MX2: variants seen among roughly 807,000 people sequenced by gnomAD.
MX2 encodes the protein MX dynamin like GTPase 2.
In MX2, 51 loss-of-function variants were observed where a neutral mutation model predicts 74.0. The observed-to-expected ratio is 0.69, with a 90% CI of 0.55 to 0.87. The LOEUF (loss-of-function observed/expected upper bound fraction) is 0.87. Ranked by LOEUF, MX2 falls within the 40% of genes least tolerant of loss-of-function variation. The pLI, the probability that MX2 is intolerant of heterozygous loss-of-function variation, is 0.00. For missense variants in MX2, 832 were observed against 908.7 expected (o/e 0.92, Z 1.09); for synonymous variants, 369 against 339.3 (o/e 1.09, Z -0.96).
chr21:41,386,232 A>G (rs946157691), intron 5 of MX2, among the ~76,000 whole-genome samples: 1 of 149,898 alleles, frequency 6.7e-6, no homozygotes, highest in Non-Finnish European at 1.5e-5. Context: ...AAAAAAAAAA[A>G]AAAAAAAAAA....
intron 5 of MX2, chr21:41,389,988 C>A (rs1293000867): frequency 1.3e-5 from 2 of 152,590 alleles, no homozygotes; most frequent in African/African-American, 4.8e-5. Flanking sequence ...GAACTAGACC[C>A]CTTCCAAGAA....
Position 41,382,582 on chromosome 21 carries a change from T to C in MX2, c.732+18T>C. ...GACTGCAGGTGAGCCCTTCTGGAAT[T>C]TGGGATTGGGCTCTGCTGAAGTGGG... On this transcript the variant is annotated intron_variant, in intron 5 of 13. Transcript: ENST00000330714. The C allele has an allele frequency of 1.9e-6, 3 of 1,613,708 alleles. No individual in the cohort carries two copies. Among genetic ancestry groups the C allele is most frequent in the Non-Finnish European group, 2.5e-6 (3 of 1,179,904 alleles).
intron 1 of MX2, among the ~76,000 whole-genome samples, chr21:41,371,164 A>T (rs558256888): frequency 2.6e-5 from 4 of 152,252 alleles, no homozygotes; most frequent in African/African-American, 4.8e-5. Flanking sequence ...TGGGAGTCAC[A>T]AGAAGTTCAA....
chr21:41,373,541 G>A (rs1568932490), intron 1 of MX2, among the ~76,000 whole-genome samples: 1 of 152,096 alleles, frequency 6.6e-6, no homozygotes, highest in Non-Finnish European at 1.5e-5. Flanking sequence ...CCCTCCAGCT[G>A]CTCTGTCCAC....
chr21:41,379,852 T>G (rs561110899), intron 3 of MX2, among the ~76,000 whole-genome samples, 165 bp from the exon 4 acceptor site: 1 of 152,256 alleles, frequency 6.6e-6, no homozygotes, highest in African/African-American at 2.4e-5. Flanking sequence ...CTGTGCCCCT[T>G]TGCATCTGCT....
intron 10 of MX2, 118 bp from the exon 11 acceptor site, chr21:41,401,852 C>T: frequency 9.0e-7 from 1 of 1,108,202 alleles, no homozygotes; most frequent in African/African-American, 1.6e-5. Flanking sequence ...AACAAAACTC[C>T]ACTTTGCAAC....
Position 41,402,299 on chromosome 21 carries a change from C to G in MX2, c.1573+171C>G. 1.3e-6 allele frequency: 1 copy of G among 742,630 alleles called. No individual in the cohort carries two copies. The highest frequency in any genetic ancestry group is 2.1e-6 in the Non-Finnish European group (1 of 487,764). The allele number at this position is 742,630 out of a possible 1,614,324, so 46.0% of individuals were successfully genotyped here. A position where few individuals can be genotyped will look rare whatever the true frequency, so the allele number is the denominator to read the frequency against. ...CTGTGAGCCAGCAGCACTGGCAAGG[C>G]CTGAGAGCTGGTCAGAGCTACCGAT... On this transcript the variant is annotated intron_variant, in intron 11 of 13. Transcript: ENST00000330714. The surrounding 1 kb of genome is among the most constrained non-coding windows in gnomAD (Gnocchi z 4.5).
At chr21:41,386,527 T>A (rs1381444126) in intron 5 of MX2, among the ~76,000 whole-genome samples, 1 of 152,108 alleles carries the variant, frequency 6.6e-6, no homozygotes, top group African/African-American at 2.4e-5. Context: ...AGTCTGGGAA[T>A]CCATCCCGAA....
Position 41,377,999 on chromosome 21 carries a change from C to T in MX2, c.442+18C>T. The T allele has an allele frequency of 2.5e-6, 4 of 1,606,566 alleles. No homozygotes were observed. The highest frequency in any genetic ancestry group is 3.4e-6 in the Non-Finnish European group (4 of 1,174,202). On this transcript the variant is annotated intron_variant, in intron 3 of 13. Transcript: ENST00000330714. ...AGGCAGCGGTAAGTTCAACGGACCA[C>T]CTTCCCTCCGCAGCAAGCAGCGCCA... is the stretch of plus-strand genomic sequence containing the variant.
At chr21:41,379,580 C>T (rs1336686742) in intron 3 of MX2, among the ~76,000 whole-genome samples, 4 of 152,100 alleles carry the variant, frequency 2.6e-5, no homozygotes, top group Non-Finnish European at 4.4e-5. Flanking sequence ...CCCCACCCCC[C>T]ACACTAACCA....
rs768433784 is a variant in MX2, at chr21:41,398,907, C to T, written c.1160C>T (p.Pro387Leu). The T allele has an allele frequency of 1.2e-4, 197 of 1,612,874 alleles. No individual in the cohort carries two copies. The highest frequency in any genetic ancestry group is 1.5e-4 in the Non-Finnish European group (175 of 1,179,290). The change falls in exon 9 of 14, where the codon CCG (proline) becomes CTG (leucine). Residue 387 changes from proline to leucine, a missense_variant. Transcript: ENST00000330714. Reference protein sequence around the residue: ...ELIMHIQKSLPLLEGQIRESH... With the variant: ...ELIMHIQKSLLLLEGQIRESH... ...AATTGTTTTGTTTAGAAATCGCTCCCGTTGTTAGAAGGACAAATAAGGGAG... is the reference window on the plus strand; with the variant it reads ...AATTGTTTTGTTTAGAAATCGCTCCTGTTGTTAGAAGGACAAATAAGGGAG...
chr21:41,390,468 GT>G, intron 5 of MX2, 96 bp from the exon 6 acceptor site: 4 of 1,530,194 alleles, frequency 2.6e-6, no homozygotes, highest in Non-Finnish European at 3.6e-6. Flanking sequence ...GTGGGACAAT[GT>G]TGCCTTTGCG....
chr21:41,397,410 A>T (rs1191287328), intron 7 of MX2, among the ~76,000 whole-genome samples: 1 of 152,138 alleles, frequency 6.6e-6, no homozygotes, highest in Non-Finnish European at 1.5e-5. Flanking sequence ...GGGATGATAG[A>T]AAGGGAGGAG....
At chr21:41,398,757 C>T in intron 8 of MX2, 140 bp from the exon 9 acceptor site, 2 of 1,192,878 alleles carry the variant, frequency 1.7e-6, no homozygotes, top group Non-Finnish European at 2.3e-6. Context: ...GTAATCCCAG[C>T]ACTTTGGGAG....
At position 41,366,529 on chromosome 21, in the gene MX2, T is replaced by C. The variant is rs183712972; in HGVS notation, c.-72+4474T>C. 1 of 152,254 alleles carries C rather than the reference T, an allele frequency of 6.6e-6. No individual in the cohort carries two copies. Among genetic ancestry groups the C allele is most frequent in the Non-Finnish European group, 1.5e-5 (1 of 68,042 alleles). The allele number at this position is 152,254 out of a possible 1,614,324, so 9.4% of individuals were successfully genotyped here. A position where few individuals can be genotyped will look rare whatever the true frequency, so the allele number is the denominator to read the frequency against. ...CCTCATCTCTACTAAAAATACAAGATTAGCTGGGCGTGGTGGTGCATGCTT... is the reference window on the plus strand; with the variant it reads ...CCTCATCTCTACTAAAAATACAAGACTAGCTGGGCGTGGTGGTGCATGCTT... On this transcript the variant is annotated intron_variant, in intron 1 of 13. Transcript: ENST00000330714. This position sits in a 1 kb window ranked among gnomAD's most constrained non-coding sequence, Gnocchi z 4.5.
At position 41,390,574 on chromosome 21, in the gene MX2, C is replaced by G. The variant is rs756158339; in HGVS notation, c.742C>G (p.Leu248Val). The change falls in exon 6 of 14, where the codon CTC becomes GTC. Residue 248 changes from leucine to valine, a missense_variant. Transcript: ENST00000330714. Reference sequence around the variant, plus strand: ...GATTCTTTGGCATCAGATCAAGGCTCTCATCAAGAAGTACATCCAGAGGCA... The same window carrying G: ...GATTCTTTGGCATCAGATCAAGGCTGTCATCAAGAAGTACATCCAGAGGCA... ...PRDIGLQIKALIKKYIQRQQT... is the reference protein window; with the variant it reads ...PRDIGLQIKAVIKKYIQRQQT... The G allele has an allele frequency of 1.9e-5, 30 of 1,614,012 alleles. No homozygotes were observed. The Admixed American group carries it at 3.5e-4, about 19-fold the overall frequency.
chr21:41,384,056 A>C (rs939575951), intron 5 of MX2, among the ~76,000 whole-genome samples: 1 of 152,114 alleles, frequency 6.6e-6, no homozygotes, highest in Non-Finnish European at 1.5e-5. Flanking sequence ...GGGAGTTCTC[A>C]TGAGAGCTGG....
rs1175234806 is a variant in MX2, at chr21:41,368,577, C to G, written c.-72+6522C>G. The stretch of plus-strand genomic sequence containing the variant: ...ATTTTGCAGAGCAATCTGTGCCCAG[C>G]TCCTGTCCTCTCAAACTTAATCAGC... On this transcript the variant is annotated intron_variant, in intron 1 of 13. Coordinates refer to ENST00000330714, the MANE Select transcript of MX2 (RefSeq NM_002463.2). This position sits in a 1 kb window ranked among gnomAD's most constrained non-coding sequence, Gnocchi z 4.6. Among the ~76,000 whole-genome samples, 5 of 152,228 alleles carry G rather than the reference C, an allele frequency of 3.3e-5. No homozygotes were observed. The highest frequency in any genetic ancestry group is 5.9e-5 in the Non-Finnish European group (4 of 68,052).
intron 5 of MX2, chr21:41,390,023 A>G (rs2089634970): frequency 6.5e-6 from 1 of 152,950 alleles, no homozygotes; most frequent in African/African-American, 2.4e-5. Flanking sequence ...AAAGTCACTA[A>G]TATTAGAAAG....
Sources: gnomAD v4.1 joint callset for allele counts (sites outside exome capture counted in the v4.1 genomes callset) on GRCh38, gnomAD v4.1.1 for gene constraint, Gnocchi (gnomAD v3.1) non-coding constraint, MANE v1.5 for transcripts, NCBI Gene and HGNC (gene_info 2026-07-23, HGNC 2026-07-21) for gene names.